SUSD1: variants seen among roughly 807,000 people sequenced by gnomAD.
SUSD1 encodes sushi domain containing 1, also known as sushi domain-containing protein 1.
A neutral mutation model predicts 86.9 loss-of-function variants in SUSD1; 65 were observed. The ratio of observed to expected loss-of-function variants is 0.75; its 90% CI spans 0.61 to 0.92. The LOEUF (loss-of-function observed/expected upper bound fraction) is 0.92, where lower values mean the gene tolerates loss of function less well. Among genes scored for constraint, SUSD1 ranks in the 40% least tolerant of loss-of-function variants. SUSD1 has a pLI of 0.00. For synonymous variants in SUSD1, 346 were observed against 350.0 expected (o/e 0.99, Z 0.13); for missense variants, 850 against 929.7 (o/e 0.91, Z 1.11).
chr9:112,138,237 G>GTATATATATA (rs375674193), intron 5 of SUSD1, among the ~76,000 whole-genome samples: 8 of 4,146 alleles, frequency 1.9e-3, no homozygotes, highest in African/African-American at 1.0e-2. Flanking sequence ...AAAAAAATGT[G>GTATATATATA]TATATATATA....
intron 5 of SUSD1, among the ~76,000 whole-genome samples, chr9:112,141,207 A>G (rs567291682): frequency 6.6e-6 from 1 of 152,368 alleles, no homozygotes; most frequent in African/African-American, 2.4e-5. Context: ...GCAATGCCAC[A>G]AACACGTGAG....
intron 14 of SUSD1, 91 bp from the exon 15 acceptor site, chr9:112,052,529 G>C: frequency 2.1e-6 from 3 of 1,441,402 alleles, no homozygotes; most frequent in Non-Finnish European, 2.9e-6. Flanking sequence ...CTGAGTTTCA[G>C]CTTTTTCAAT....
At chr9:112,152,497 G>A (rs965857035) in intron 2 of SUSD1, among the ~76,000 whole-genome samples, 1 of 150,554 alleles carries the variant, frequency 6.6e-6, no homozygotes, top group Non-Finnish European at 1.5e-5. Flanking sequence ...AACCTCCTAA[G>A]CTCAAGTGAT....
rs751375232 is a variant in SUSD1, at chr9:112,142,444, A to G, written c.582T>C (p.Tyr194=). ...EVPDGYIIGN[Y]TSSLGSQVRY... Reference sequence around the variant, plus strand: ...GAACCTGGCTGCCCAGACTAGACGTATAATTTCCTATGATATAGCCATCTG... The same window carrying G: ...GAACCTGGCTGCCCAGACTAGACGTGTAATTTCCTATGATATAGCCATCTG... The change falls in exon 5 of 17, where the codon TAT becomes TAC. Residue 194 remains tyrosine, a synonymous_variant. Transcript: ENST00000374270. 30 of 1,613,990 alleles carry G rather than the reference A, an allele frequency of 1.9e-5. No individual in the cohort carries two copies. In the Admixed American group the frequency reaches 2.3e-4, roughly 13 times the overall value.
chr9:112,137,265 G>T (rs1832306487), intron 5 of SUSD1, among the ~76,000 whole-genome samples: 1 of 151,486 alleles, frequency 6.6e-6, no homozygotes, highest in Non-Finnish European at 1.5e-5. Context: ...TGACACAGGG[G>T]AGGAGGAGGA....
rs538378720 is a variant in SUSD1, at chr9:112,143,953, ATCC to A, written c.374-333_374-331del. On this transcript the variant is annotated intron_variant, in intron 3 of 16. Coordinates refer to ENST00000374270, the MANE Select transcript of SUSD1 (RefSeq NM_022486.5). Reference sequence around the variant, plus strand: ...TAAATATATCCAATCACTAAAAAATATCCTGACCGGGCATGGTGGCTCACACCT... The same window carrying A: ...TAAATATATCCAATCACTAAAAAATATGACCGGGCATGGTGGCTCACACCT... 5.3e-3 allele frequency among the ~76,000 whole-genome samples: 807 copies of A among 152,274 alleles called. 5 individuals carry two copies. Among genetic ancestry groups the A allele is most frequent in the African/African-American group, 0.015 (629 of 41,570 alleles).
intron 1 of SUSD1, among the ~76,000 whole-genome samples, chr9:112,165,830 AAG>A (rs1269753055): frequency 1.4e-5 from 2 of 141,618 alleles, no homozygotes; most frequent in African/African-American, 2.7e-5. Flanking sequence ...GAAAGAAAGA[AAG>A]AGAAAGAAAG....
chr9:112,072,038 G>A (rs10759524), intron 12 of SUSD1, among the ~76,000 whole-genome samples: 52,468 of 151,832 alleles, frequency 0.35, 9,273 homozygotes, highest in East Asian at 0.56. Context: ...AGGCAGCACA[G>A]GTCTTTGTAC....
At chr9:112,165,786 AGAAAG>A (rs1255046753) in intron 1 of SUSD1, among the ~76,000 whole-genome samples, 2 of 151,254 alleles carry the variant, frequency 1.3e-5, no homozygotes, top group Non-Finnish European at 2.9e-5. Flanking sequence ...CACATCAAAA[AGAAAG>A]GAAAGAGAGA....
Position 112,101,584 on chromosome 9 carries a change from G to A in SUSD1, c.1281+592C>T, listed in dbSNP as rs150777395. Among the ~76,000 whole-genome samples, 549 of 152,174 alleles carry A rather than the reference G, an allele frequency of 3.6e-3. 4 individuals carry two copies. Among genetic ancestry groups the A allele is most frequent in the South Asian group, 8.3e-3 (40 of 4,816 alleles). ...TGCCCAGCTGGGCGTGGTGGCTCAC[G>A]CCTGTAATCCTAGCACTTTGGGAGG... is the stretch of plus-strand genomic sequence containing the variant. On this transcript the variant is annotated intron_variant, in intron 9 of 16. Coordinates refer to ENST00000374270, the MANE Select transcript of SUSD1 (RefSeq NM_022486.5).
intron 1 of SUSD1, among the ~76,000 whole-genome samples, chr9:112,168,141 T>G (rs1319836105): frequency 1.3e-5 from 2 of 152,196 alleles, no homozygotes; most frequent in Non-Finnish European, 2.9e-5. Context: ...TGAAAAGCAA[T>G]TAAAATGTGT....
intron 5 of SUSD1, among the ~76,000 whole-genome samples, chr9:112,138,775 GT>G (rs1478297310): frequency 5.9e-5 from 9 of 151,992 alleles, no homozygotes; most frequent in African/African-American, 1.9e-4. Context: ...TTTAAATATT[GT>G]TTTTCTAACA....
rs1244839303 is a variant in SUSD1 at position 112,157,581 on chromosome 9, C to T, written c.136G>A (p.Ala46Thr). The change falls in exon 2 of 17, where the codon GCC (alanine) becomes ACC (threonine). Residue 46 changes from alanine to threonine, a missense_variant. Transcript: ENST00000374270. Reference sequence around the variant, plus strand: ...TTCCCTTCTCTTTGCTGGCATGTGGCATGTTCATGGCAAGTGGCACAGACG... The same window carrying T: ...TTCCCTTCTCTTTGCTGGCATGTGGTATGTTCATGGCAAGTGGCACAGACG... ...LDVCATCHEH[A>T]TCQQREGKKI... The T allele has an allele frequency of 6.2e-7, 1 of 1,613,964 alleles. No individual in the cohort carries two copies. Among genetic ancestry groups the T allele is most frequent in the Non-Finnish European group, 8.5e-7 (1 of 1,179,994 alleles).
intron 8 of SUSD1, among the ~76,000 whole-genome samples, chr9:112,103,771 G>T (rs1225820845): frequency 6.6e-6 from 1 of 152,182 alleles, no homozygotes; most frequent in Non-Finnish European, 1.5e-5. Flanking sequence ...AAGAGCCGGG[G>T]CTAAAGAAAG....
At chr9:112,096,249 T>C (rs2131600808) in intron 10 of SUSD1, among the ~76,000 whole-genome samples, 1 of 152,294 alleles carries the variant, frequency 6.6e-6, no homozygotes, top group African/African-American at 2.4e-5. Context: ...TTAGACCTCA[T>C]CTCTCACCAC....
At chr9:112,101,273 A>G (rs1349298991) in intron 9 of SUSD1, among the ~76,000 whole-genome samples, 1 of 151,910 alleles carries the variant, frequency 6.6e-6, no homozygotes, top group Non-Finnish European at 1.5e-5. Context: ...GAGGCACGAG[A>G]GTCGCTTGAA....
chr9:112,157,039 A>G (rs978366938), intron 2 of SUSD1, among the ~76,000 whole-genome samples: 1 of 152,210 alleles, frequency 6.6e-6, no homozygotes, highest in Admixed American at 6.5e-5. Flanking sequence ...TATCACAACT[A>G]CCAAAAATTT....
Position 112,095,370 on chromosome 9 carries a change from C to CTT in SUSD1, c.1474+3099_1474+3100insAA, listed in dbSNP as rs1245099862. On this transcript the variant is annotated intron_variant, in intron 10 of 16. Coordinates refer to ENST00000374270, the MANE Select transcript of SUSD1 (RefSeq NM_022486.5). Reference sequence around the variant, plus strand: ...AGGACCTGCTAAGTAAGAACGTTCTCAGAGGGACCTTGAACATTGCAGGCT... The same window carrying CTT: ...AGGACCTGCTAAGTAAGAACGTTCTCTTAGAGGGACCTTGAACATTGCAGGCT... 1.2e-4 allele frequency among the ~76,000 whole-genome samples: 18 copies of CTT among 152,314 alleles called. No homozygotes were observed. The East Asian group carries it at 3.1e-3, about 26-fold the overall frequency.
intron 1 of SUSD1, among the ~76,000 whole-genome samples, chr9:112,171,575 G>A (rs1834047759): frequency 6.6e-6 from 1 of 152,094 alleles, no homozygotes; most frequent in Non-Finnish European, 1.5e-5. Flanking sequence ...GAGGAGTGAG[G>A]ACACCCAGGC....
Sources: gnomAD v4.1 joint callset for allele counts (sites outside exome capture counted in the v4.1 genomes callset) on GRCh38, gnomAD v4.1.1 for gene constraint, MANE v1.5 for transcripts, NCBI Gene and HGNC (gene_info 2026-07-23, HGNC 2026-07-21) for gene names.